The following NCKAP5 variants were observed in gnomAD, a reference collection of about 807,000 sequenced individuals.
NCKAP5 encodes the protein NCK associated protein 5.
Under a neutral mutation model 167.0 loss-of-function variants are expected in NCKAP5, and 92 were observed. That is an observed-to-expected ratio of 0.55 (90% CI 0.47 to 0.66). NCKAP5 has a LOEUF of 0.66. Ranked by LOEUF, NCKAP5 falls within the 30% of genes least tolerant of loss-of-function variation. The pLI is 0.00. For synonymous variants in NCKAP5, 891 were observed against 877.4 expected, an observed-to-expected ratio of 1.02 and a Z score of -0.27; for missense variants, 2,378 against 2,315.0, an observed-to-expected ratio of 1.03 and a Z score of -0.56.
chr2:133,111,024 T>C (rs2081892038), intron 6 of NCKAP5, among the ~76,000 whole-genome samples: 1 of 152,100 alleles, frequency 6.6e-6, no homozygotes, highest in Admixed American at 6.5e-5. Flanking sequence ...ATCAGTCTTA[T>C]CCGATTAAGG....
intron 19 of NCKAP5, among the ~76,000 whole-genome samples, chr2:132,700,938 G>A (rs1687822945): frequency 1.4e-5 from 2 of 144,252 alleles, no homozygotes; most frequent in African/African-American, 2.5e-5. Flanking sequence ...GGCGGGGGGG[G>A]GGGCTTTTAA....
At chr2:133,127,065 G>GA (rs893464135) in intron 6 of NCKAP5, among the ~76,000 whole-genome samples, 7 of 151,748 alleles carry the variant, frequency 4.6e-5, no homozygotes, top group African/African-American at 7.3e-5. Flanking sequence ...GAGAAAAAAA[G>GA]AAAAAAATTA....
chr2:133,503,852 T>C (rs917953615), intron 3 of NCKAP5, among the ~76,000 whole-genome samples: 1 of 152,192 alleles, frequency 6.6e-6, no homozygotes, highest in African/African-American at 2.4e-5. Context: ...ATAGAGCACA[T>C]TGTCCATCAG....
At chr2:133,238,255 T>G (rs1271861711) in intron 4 of NCKAP5, among the ~76,000 whole-genome samples, 1 of 152,206 alleles carries the variant, frequency 6.6e-6, no homozygotes, top group Non-Finnish European at 1.5e-5. Flanking sequence ...AGGTTTAGAA[T>G]CTGAGTGGCT....
At chr2:133,614,940 C>G in the NCKAP5 span, among the ~76,000 whole-genome samples, 5 of 152,208 alleles carry the variant, frequency 3.3e-5, no homozygotes, top group East Asian at 7.7e-4. Context: ...ATCAGACTAA[C>G]AGCGGATCTC....
intron 8 of NCKAP5, among the ~76,000 whole-genome samples, chr2:132,937,093 T>C (rs1696907899): frequency 6.6e-6 from 1 of 152,152 alleles, no homozygotes; most frequent in South Asian, 2.1e-4. Flanking sequence ...CTGGGGAATT[T>C]ACTGGCCCTC....
chr2:133,573,536 T>C, the NCKAP5 span, among the ~76,000 whole-genome samples: 1 of 152,118 alleles, frequency 6.6e-6, no homozygotes, highest in Middle Eastern at 3.2e-3. Flanking sequence ...CACCATCCCT[T>C]TGCTTTTTCA....
At chr2:133,325,130 A>G (rs1682342574) in intron 3 of NCKAP5, among the ~76,000 whole-genome samples, 1 of 152,208 alleles carries the variant, frequency 6.6e-6, no homozygotes, top group Non-Finnish European at 1.5e-5. Flanking sequence ...GTCTCCTTCC[A>G]TCACTGCCGT....
rs151269102 is a variant in NCKAP5, at chr2:132,727,554, G to T, written c.5580+1262C>A. Reference sequence around the variant, plus strand: ...TGGGCAACAAGATTGTAGCCCTTCAGGTGGTTCTGATGCCTGCTCCGGTTT... The same window carrying T: ...TGGGCAACAAGATTGTAGCCCTTCATGTGGTTCTGATGCCTGCTCCGGTTT... On this transcript the variant is annotated intron_variant, in intron 18 of 19. Coordinates refer to ENST00000409261, the MANE Select transcript of NCKAP5 (RefSeq NM_207363.3). Among the ~76,000 whole-genome samples the T allele has an allele frequency of 1.6e-3, 245 of 152,368 alleles. 1 individual carries two copies. The highest frequency in any genetic ancestry group is 5.7e-3 in the African/African-American group (236 of 41,596).
intron 6 of NCKAP5, among the ~76,000 whole-genome samples, chr2:133,066,341 CT>C (rs1207744900): frequency 6.6e-6 from 1 of 152,182 alleles, no homozygotes; most frequent in Admixed American, 6.5e-5. Context: ...TAAAACCCGT[CT>C]TCTTTTTTAC....
intron 4 of NCKAP5, among the ~76,000 whole-genome samples, chr2:133,239,608 C>T (rs1023698801): frequency 3.7e-4 from 57 of 152,112 alleles, no homozygotes; most frequent in African/African-American, 1.4e-3. Flanking sequence ...AAATCTCACA[C>T]CAAAGAATTA....
At chr2:132,944,561 G>A (rs767364932) in intron 8 of NCKAP5, among the ~76,000 whole-genome samples, 4 of 152,176 alleles carry the variant, frequency 2.6e-5, no homozygotes, top group Non-Finnish European at 5.9e-5. Flanking sequence ...GCAGTAGCCT[G>A]GATTAGAACT....
At chr2:133,535,654 C>T (rs1024741202) in intron 2 of NCKAP5, among the ~76,000 whole-genome samples, 1 of 151,912 alleles carries the variant, frequency 6.6e-6, no homozygotes, top group African/African-American at 2.4e-5. Flanking sequence ...GAGCAGATAC[C>T]CAGTAGTGGG....
chr2:132,929,195 C>T (rs906850592), intron 8 of NCKAP5, among the ~76,000 whole-genome samples: 8 of 152,164 alleles, frequency 5.3e-5, no homozygotes, highest in Non-Finnish European at 8.8e-5. Flanking sequence ...TTTTGGATTT[C>T]GCAGCCTCCA....
In NCKAP5 at chr2:132,982,332, GC is replaced by G. The variant is rs1456105617; in HGVS notation, c.429+11819del. The stretch of plus-strand genomic sequence containing the variant: ...AAGTGCAATTCCAGCTAATTAGGTT[GC>G]CCCAAATGACAAAACCAACTGAGGG... On this transcript the variant is annotated intron_variant, in intron 7 of 19. Transcript: ENST00000409261. Among the ~76,000 whole-genome samples the G allele has an allele frequency of 2.0e-5, 3 of 152,216 alleles. No individual in the cohort carries two copies. The South Asian group carries it at 6.2e-4, about 32-fold the overall frequency.
At chr2:133,607,837 T>C in the NCKAP5 span, among the ~76,000 whole-genome samples, 1 of 152,184 alleles carries the variant, frequency 6.6e-6, no homozygotes, top group African/African-American at 2.4e-5. Flanking sequence ...AGCTTGCCAC[T>C]AGGAAATCCC....
At chr2:132,959,025 T>C (rs1455792829) in intron 8 of NCKAP5, among the ~76,000 whole-genome samples, 1 of 147,650 alleles carries the variant, frequency 6.8e-6, no homozygotes, top group East Asian at 1.9e-4. Flanking sequence ...ATATTTAATA[T>C]ATTTACTATT....
chr2:132,950,826 T>C (rs1445417888), intron 8 of NCKAP5, among the ~76,000 whole-genome samples: 1 of 152,188 alleles, frequency 6.6e-6, no homozygotes, highest in African/African-American at 2.4e-5. Flanking sequence ...CCTGATCATC[T>C]TAGTATTTTA....
At chr2:133,656,272 CA>C in the NCKAP5 span, among the ~76,000 whole-genome samples, 564 of 140,412 alleles carry the variant, frequency 4.0e-3, 6 homozygotes, top group Admixed American at 0.019. Context: ...AACAAACAAA[CA>C]AAAAAAAAAA....
Sources: gnomAD v4.1 joint callset for allele counts (sites outside exome capture counted in the v4.1 genomes callset) on GRCh38, gnomAD v4.1.1 for gene constraint, MANE v1.5 for transcripts, NCBI Gene and HGNC (gene_info 2026-07-23, HGNC 2026-07-21) for gene names.